The following DUSP16 variants were observed in gnomAD, a reference collection of about 807,000 sequenced individuals.
The protein encoded by DUSP16 is dual specificity phosphatase 16, also known as dual specificity protein phosphatase 16.
DUSP16 carries 21 observed loss-of-function variants against 58.3 expected under a neutral mutation model. That is an observed-to-expected ratio of 0.36 (90% CI 0.26 to 0.52). DUSP16 has a LOEUF of 0.52. Ranked by LOEUF, DUSP16 falls within the 20% of genes least tolerant of loss-of-function variation. DUSP16 has a pLI of 0.94. For synonymous variants in DUSP16, 320 were observed against 323.8 expected, an observed-to-expected ratio of 0.99 and a Z score of 0.12; for missense variants, 726 against 819.0, an observed-to-expected ratio of 0.89 and a Z score of 1.39.
intron 1 of DUSP16, among the ~76,000 whole-genome samples, chr12:12,556,185 G>C (rs967694205): frequency 6.6e-6 from 1 of 152,180 alleles, no homozygotes; most frequent in African/African-American, 2.4e-5. Flanking sequence ...GGTGCATACA[G>C]AATAATTCTT....
chr12:12,477,753 C>A lies in DUSP16; in HGVS notation c.1078G>T (p.Val360Leu). The A allele has an allele frequency of 5.6e-6, 9 of 1,595,244 alleles. No homozygotes were observed. The highest frequency in any genetic ancestry group is 7.7e-6 in the Non-Finnish European group (9 of 1,175,346). The part of the protein sequence containing the change: ...AGQRPVHPAS[V>L]PSVPSVQPSL... Reference sequence around the variant, plus strand: ...GGCTGCACGCTGGGCACGCTGGGCACGCTGGCGGGATGCACGGGCCTTTGT... The same window carrying A: ...GGCTGCACGCTGGGCACGCTGGGCAAGCTGGCGGGATGCACGGGCCTTTGT... Residue 360 changes from valine to leucine, a missense_variant, in exon 7 of 7, where the codon GTG becomes TTG. Val to Leu is a conservative substitution (Grantham distance 32, BLOSUM62 1). Coordinates refer to ENST00000298573, the MANE Select transcript of DUSP16 (RefSeq NM_030640.3). The surrounding 1 kb of genome is among the most constrained non-coding windows in gnomAD (Gnocchi z 4.1).
intron 3 of DUSP16, among the ~76,000 whole-genome samples, chr12:12,514,524 T>C (rs1592186866): frequency 6.6e-6 from 1 of 152,286 alleles, no homozygotes; most frequent in Admixed American, 6.5e-5. Flanking sequence ...CCCTTGAAAA[T>C]GGTTCCTTTT....
chr12:12,559,787 A>T (rs1267669935), intron 1 of DUSP16, among the ~76,000 whole-genome samples: 2 of 152,176 alleles, frequency 1.3e-5, no homozygotes. Context: ...ATCAAAACAC[A>T]CTAACACATA....
Position 12,517,574 on chromosome 12 carries a change from T to C in DUSP16, c.367+2288A>G, listed in dbSNP as rs116672372. ...CTGTTATCCACTTACCCCAATTATC[T>C]ACCTACCCTGACGAAAAAATTCACT... On this transcript the variant is annotated intron_variant, in intron 3 of 6. Transcript: ENST00000298573. 5.4e-3 allele frequency among the ~76,000 whole-genome samples: 821 copies of C among 152,320 alleles called. 6 individuals carry two copies. Among genetic ancestry groups the C allele is most frequent in the African/African-American group, 0.019 (777 of 41,566 alleles).
chr12:12,504,662 T>C (rs1380232251), intron 3 of DUSP16, among the ~76,000 whole-genome samples: 2 of 142,920 alleles, frequency 1.4e-5, no homozygotes, highest in Non-Finnish European at 3.0e-5. Context: ...CAAAACAGCT[T>C]GGGCAACATG....
At chr12:12,544,106 T>C (rs145212998) in intron 1 of DUSP16, among the ~76,000 whole-genome samples, 10 of 152,184 alleles carry the variant, frequency 6.6e-5, no homozygotes, top group African/African-American at 2.4e-4. Context: ...GATCAAGAAA[T>C]AGAAACCCAC....
intron 4 of DUSP16, among the ~76,000 whole-genome samples, chr12:12,492,206 C>A (rs965247317): frequency 6.6e-6 from 1 of 152,208 alleles, no homozygotes; most frequent in African/African-American, 2.4e-5. Context: ...CCAGTCCATT[C>A]ACTTTTTCTC....
rs1328557813 is a variant in DUSP16, at chr12:12,477,537, G to A, written c.1294C>T (p.Pro432Ser). Residue 432 changes from proline to serine, a missense_variant, in exon 7 of 7, where the codon CCT (proline) becomes TCT (serine). Coordinates refer to ENST00000298573, the MANE Select transcript of DUSP16 (RefSeq NM_030640.3). This position sits in a 1 kb window ranked among gnomAD's most constrained non-coding sequence, Gnocchi z 4.1. ...TTGGTCCCATCCAGAGTAGTGGAAG[G>A]TTTGTAGTATTCCAAAGCATCTTCT... ...SSEDALEYYK[P>S]STTLDGTNKL... 9 of 1,609,466 alleles carry A rather than the reference G, an allele frequency of 5.6e-6. No individual in the cohort carries two copies. The highest frequency in any genetic ancestry group is 5.9e-6 in the Non-Finnish European group (7 of 1,177,176).
Position 12,500,598 on chromosome 12 carries a change from C to G in DUSP16, c.452G>C (p.Cys151Ser). The G allele has an allele frequency of 6.2e-7, 1 of 1,611,788 alleles. No individual in the cohort carries two copies. The highest frequency in any genetic ancestry group is 8.5e-7 in the Non-Finnish European group (1 of 1,179,048). The change falls in exon 4 of 7, where the codon TGC (cysteine) becomes TCC (serine). Residue 151 changes from cysteine to serine, a missense_variant. By Grantham distance (112) the Cys-to-Ser change is moderately radical (BLOSUM62 -1). Coordinates refer to ENST00000298573, the MANE Select transcript of DUSP16 (RefSeq NM_030640.3). ...TLVPTCISQP[C>S]LPVANIGPTR... Reference sequence around the variant, plus strand: ...TGGCCCAATGTTGGCAACAGGTAAGCAAGGCTGAGAAATGCAGGTAGGGAC... The same window carrying G: ...TGGCCCAATGTTGGCAACAGGTAAGGAAGGCTGAGAAATGCAGGTAGGGAC...
intron 1 of DUSP16, among the ~76,000 whole-genome samples, chr12:12,542,388 GAAAAAA>G (rs56822339): frequency 8.2e-5 from 9 of 109,706 alleles, no homozygotes; most frequent in Non-Finnish European, 1.1e-4. Flanking sequence ...AAAGAAAAGA[GAAAAAA>G]AAAAAAAAAA....
At chr12:12,496,402 T>C (rs1354054877) in intron 4 of DUSP16, among the ~76,000 whole-genome samples, 2 of 152,244 alleles carry the variant, frequency 1.3e-5, no homozygotes, top group Non-Finnish European at 2.9e-5. Context: ...GTCTTCCTAC[T>C]GTGTACCAGG....
chr12:12,557,880 T>C (rs1448964021), intron 1 of DUSP16, among the ~76,000 whole-genome samples: 6 of 152,246 alleles, frequency 3.9e-5, no homozygotes, highest in Admixed American at 6.5e-5. Context: ...ATAAATTTGC[T>C]GAATGAGATG....
intron 4 of DUSP16, among the ~76,000 whole-genome samples, chr12:12,492,957 C>G (rs970202640): frequency 4.6e-5 from 7 of 152,134 alleles, no homozygotes; most frequent in Admixed American, 4.6e-4. Flanking sequence ...TTGGGTCATT[C>G]TCAACTCCCC....
chr12:12,555,411 A>T (rs906032942), intron 1 of DUSP16, among the ~76,000 whole-genome samples: 3 of 152,244 alleles, frequency 2.0e-5, no homozygotes, highest in African/African-American at 7.2e-5. Context: ...AACTGACTGA[A>T]ATTATTTGAC....
chr12:12,475,045 T>TAACC lies in DUSP16; in HGVS notation c.*1784_*1787dup. 1 of 152,194 alleles carries TAACC rather than the reference T, an allele frequency of 6.6e-6. No homozygotes were observed. Among genetic ancestry groups the TAACC allele is most frequent in the East Asian group, 1.9e-4 (1 of 5,196 alleles). 9.4% of individuals were successfully genotyped at this position (152,194 alleles called of 1,614,324 possible). A position where few individuals can be genotyped will look rare whatever the true frequency, so the allele number is the denominator to read the frequency against. On this transcript the variant is annotated 3_prime_UTR_variant, in exon 7 of 7. Coordinates refer to ENST00000298573, the MANE Select transcript of DUSP16 (RefSeq NM_030640.3). ...AGGTCTGTGCGGCTCATCATCCCCA[T>TAACC]AACCAAGTCGGTCTGTGTTGAGTCA...
intron 1 of DUSP16, among the ~76,000 whole-genome samples, chr12:12,547,939 T>C (rs1944671261): frequency 6.6e-6 from 1 of 152,168 alleles, no homozygotes; most frequent in South Asian, 2.1e-4. Context: ...CTGGTTTACA[T>C]ATAATGAGGA....
At chr12:12,502,550 A>ATTTTTTTT (rs58116968) in intron 3 of DUSP16, among the ~76,000 whole-genome samples, 75 of 130,882 alleles carry the variant, frequency 5.7e-4, no homozygotes, top group East Asian at 6.7e-4. Context: ...TCATGGTTTC[A>ATTTTTTTT]TTTTTTTTTT....
At chr12:12,483,753 C>T (rs879829797) in intron 5 of DUSP16, among the ~76,000 whole-genome samples, 2 of 152,110 alleles carry the variant, frequency 1.3e-5, no homozygotes, top group African/African-American at 2.4e-5. Flanking sequence ...CGGGCAAACT[C>T]TGTTACTGGC....
intron 1 of DUSP16, among the ~76,000 whole-genome samples, chr12:12,527,940 T>C (rs1944328611): frequency 6.6e-6 from 1 of 152,182 alleles, no homozygotes. Context: ...CAGTCAGCCT[T>C]CAAAGACTAC....
Sources: allele counts gnomAD v4.1 joint callset (sites outside exome capture counted in the v4.1 genomes callset), GRCh38; gene constraint gnomAD v4.1.1; non-coding constraint Gnocchi (gnomAD v3.1); transcripts MANE v1.5; gene names NCBI Gene and HGNC (gene_info 2026-07-23, HGNC 2026-07-21).